LEF1: variants seen among roughly 807,000 people sequenced by gnomAD.
The protein encoded by LEF1 is lymphoid enhancer-binding factor 1.
A neutral mutation model predicts 51.2 loss-of-function variants in LEF1; 14 were observed. The observed-to-expected ratio is 0.27, with a 90% confidence interval of 0.18 to 0.43. The LOEUF (loss-of-function observed/expected upper bound fraction) is 0.43. LEF1 is among the 20% of genes least tolerant of loss of function. LEF1 has a pLI of 1.00. For missense variants in LEF1, 386 were observed against 512.0 expected (o/e 0.75, Z 2.37); for synonymous variants, 185 against 183.2 (o/e 1.01, Z -0.08).
rs148657618 is a variant in LEF1 at position 108,096,720 on chromosome 4, A to T, written c.415-7463T>A. On this transcript the variant is annotated intron_variant, in intron 3 of 11. Coordinates refer to ENST00000265165, the MANE Select transcript of LEF1 (RefSeq NM_016269.5). ...CAAGGGATTAATAACTAGAATATGT[A>T]AGGAGCTCAAACAACTCTATAGGAA... Among the ~76,000 whole-genome samples the T allele has an allele frequency of 2.9e-4, 44 of 152,344 alleles. No homozygotes were observed. The East Asian group carries it at 3.7e-3, about 13-fold the overall frequency.
intron 3 of LEF1, among the ~76,000 whole-genome samples, chr4:108,157,737 C>T (rs965706656): frequency 6.6e-6 from 1 of 152,240 alleles, no homozygotes; most frequent in Admixed American, 6.5e-5. Context: ...TTGCTCTGCA[C>T]TGCCCTTGCA....
At chr4:108,131,632 A>G (rs1286117941) in intron 3 of LEF1, among the ~76,000 whole-genome samples, 1 of 152,218 alleles carries the variant, frequency 6.6e-6, no homozygotes, top group African/African-American at 2.4e-5. Context: ...TGTGTTTTTG[A>G]GTAGTACACA....
intron 3 of LEF1, among the ~76,000 whole-genome samples, chr4:108,160,557 C>T (rs912040407): frequency 6.6e-6 from 1 of 152,128 alleles, no homozygotes; most frequent in Non-Finnish European, 1.5e-5. Context: ...GAGACCCATT[C>T]ATAAGATTTC....
intron 3 of LEF1, among the ~76,000 whole-genome samples, chr4:108,126,148 T>C (rs534448007): frequency 1.2e-4 from 18 of 152,332 alleles, no homozygotes; most frequent in Non-Finnish European, 2.2e-4. Context: ...GTTATAAGTT[T>C]CTTTAATTGC....
intron 3 of LEF1, among the ~76,000 whole-genome samples, chr4:108,150,336 G>A (rs1744293269): frequency 6.6e-6 from 1 of 152,260 alleles, no homozygotes; most frequent in South Asian, 2.1e-4. Flanking sequence ...AATCTGTTTA[G>A]TCCCTAAGAC....
At chr4:108,134,469 G>A (rs1743120288) in intron 3 of LEF1, among the ~76,000 whole-genome samples, 1 of 152,174 alleles carries the variant, frequency 6.6e-6, no homozygotes, top group South Asian at 2.1e-4. Context: ...TTCAAATGTA[G>A]AATAATACAG....
chr4:108,161,208 C>T (rs1745033998), intron 3 of LEF1, among the ~76,000 whole-genome samples: 1 of 152,110 alleles, frequency 6.6e-6, no homozygotes, highest in African/African-American at 2.4e-5. Context: ...TTAAAAACAG[C>T]TGTTAGGTAT....
intron 9 of LEF1, among the ~76,000 whole-genome samples, chr4:108,064,685 ACACACACAATG>A (rs1417371364): frequency 5.1e-5 from 1 of 19,732 alleles, no homozygotes; most frequent in Non-Finnish European, 3.7e-4. Context: ...ACACACACAC[ACACACACAATG>A]ATGTCTTAGA....
intron 11 of LEF1, 167 bp from the exon 12 acceptor site, chr4:108,048,918 A>C (rs1310149751): frequency 2.2e-6 from 1 of 460,510 alleles, no homozygotes; most frequent in East Asian, 3.3e-5. Flanking sequence ...AAAAATCCTG[A>C]GAGTACACTA....
In LEF1 at chr4:108,167,575, G is replaced by A; in HGVS notation, c.193C>T (p.Pro65Ser). ...CTCACCTCGTGTCCGTTGCTGGCCG[G>A]GATGATTTCAGACTCGTTCACCAAG... ...SSLVNESEII[P>S]ASNGHEVARQ... Residue 65 changes from proline to serine, a missense_variant, in exon 1 of 12, where the codon CCG becomes TCG. Physicochemically the swap from Pro to Ser is moderately conservative, Grantham distance 74. This residue lies in a region of LEF1 where 335 missense variants were observed against 390.7 expected (regional missense o/e 0.86). Coordinates refer to ENST00000265165, the MANE Select transcript of LEF1 (RefSeq NM_016269.5). The surrounding 1 kb of genome is among the most constrained non-coding windows in gnomAD (Gnocchi z 5.7). The A allele has an allele frequency of 6.2e-7, 1 of 1,614,158 alleles. No individual in the cohort carries two copies. Among genetic ancestry groups the A allele is most frequent in the Non-Finnish European group, 8.5e-7 (1 of 1,180,008 alleles).
chr4:108,079,850 C>T (rs1049211560), intron 6 of LEF1, among the ~76,000 whole-genome samples: 4 of 151,630 alleles, frequency 2.6e-5, no homozygotes, highest in African/African-American at 9.7e-5. Flanking sequence ...ATAGGAATTT[C>T]ACGAAAAGTA....
intron 3 of LEF1, among the ~76,000 whole-genome samples, chr4:108,107,327 A>C (rs1741235082): frequency 6.6e-6 from 1 of 152,044 alleles, no homozygotes; most frequent in Non-Finnish European, 1.5e-5. Context: ...ACTTCTGGGA[A>C]AAATATGAAA....
chr4:108,113,548 T>G (rs1247594682), intron 3 of LEF1, among the ~76,000 whole-genome samples: 2 of 152,152 alleles, frequency 1.3e-5, no homozygotes, highest in Non-Finnish European at 2.9e-5. Flanking sequence ...CATCCTGTTT[T>G]TGCCGCAGAT....
chr4:108,105,872 A>G (rs1741129435), intron 3 of LEF1, among the ~76,000 whole-genome samples: 1 of 152,244 alleles, frequency 6.6e-6, no homozygotes, highest in Non-Finnish European at 1.5e-5. Context: ...CAAAGTAATC[A>G]AGTGCAAAGC....
chr4:108,075,835 G>C (rs1738818798), intron 8 of LEF1, among the ~76,000 whole-genome samples: 1 of 152,142 alleles, frequency 6.6e-6, no homozygotes, highest in African/African-American at 2.4e-5. Flanking sequence ...GAAAAGAAAA[G>C]GGCAACCCAG....
rs1005026770 is a variant in LEF1 at position 108,083,142 on chromosome 4, T to C, written c.638+214A>G. The C allele has an allele frequency of 1.4e-5, 8 of 560,788 alleles. No homozygotes were observed. The Admixed American group carries it at 1.9e-4, about 13-fold the overall frequency. The allele number at this position is 560,788 out of a possible 1,614,324, so 34.7% of individuals were successfully genotyped here. On this transcript the variant is annotated intron_variant, in intron 5 of 11. Transcript: ENST00000265165. ...GCTTCAAAGCAAATGCTACAGTCAT[T>C]TTCTACCCATATTAGCAAACGGATC...
chr4:108,132,659 CTTTTTTTTTTTTT>C (rs749911957), intron 3 of LEF1, among the ~76,000 whole-genome samples: 1 of 47,438 alleles, frequency 2.1e-5, no homozygotes, highest in African/African-American at 8.2e-5. Flanking sequence ...GAAAATCTGC[CTTTTTTTTTTTTT>C]TTTTTTTTTT....
At chr4:108,099,382 T>C (rs952440703) in intron 3 of LEF1, among the ~76,000 whole-genome samples, 15 of 151,132 alleles carry the variant, frequency 9.9e-5, no homozygotes, top group African/African-American at 2.4e-4. Flanking sequence ...CTTCCTTGTA[T>C]GGAAAAGAAC....
At chr4:108,123,883 G>A (rs368630984) in intron 3 of LEF1, among the ~76,000 whole-genome samples, 1 of 152,242 alleles carries the variant, frequency 6.6e-6, no homozygotes. Flanking sequence ...GCTCATGCCT[G>A]TAAATCCCAG....
Sources: gnomAD v4.1 joint callset for allele counts (sites outside exome capture counted in the v4.1 genomes callset) on GRCh38, gnomAD v4.1.1 for gene constraint, gnomAD v4.1.1 regional missense constraint, Gnocchi (gnomAD v3.1) non-coding constraint, MANE v1.5 for transcripts, NCBI Gene and HGNC (gene_info 2026-07-23, HGNC 2026-07-21) for gene names.